The following SEPTIN7 variants were observed in gnomAD, a reference collection of about 807,000 sequenced individuals.
SEPTIN7 encodes septin-7.
In SEPTIN7, 10 loss-of-function variants were observed where a neutral mutation model predicts 63.3. The observed-to-expected ratio is 0.16, with a 90% CI of 0.10 to 0.27. The LOEUF (loss-of-function observed/expected upper bound fraction) is 0.27. SEPTIN7 is among the 10% of genes least tolerant of loss of function. The probability of loss-of-function intolerance (pLI) is 1.00; values close to 1 mark genes in which losing one functional copy is unlikely to be tolerated. For missense variants in SEPTIN7, 310 were observed against 521.0 expected (o/e 0.59, Z 3.94); for synonymous variants, 131 against 165.3 (o/e 0.79, Z 1.59).
rs560383003 is a variant in SEPTIN7, at chr7:35,835,493, T to C, written c.169+2593T>C. On this transcript the variant is annotated intron_variant, in intron 3 of 13. Transcript: ENST00000350320. The stretch of plus-strand genomic sequence containing the variant: ...ATAGCGAGATTAGGTTACTTGCCCA[T>C]GGTTACATTGCTAGGAGATGGCAGA... Among the ~76,000 whole-genome samples the C allele has an allele frequency of 8.5e-5, 13 of 152,272 alleles. No individual in the cohort carries two copies. The South Asian group carries it at 2.3e-3, about 27-fold the overall frequency.
intron 11 of SEPTIN7, among the ~76,000 whole-genome samples, chr7:35,891,166 T>G (rs1318107417): frequency 1.3e-5 from 2 of 152,210 alleles, no homozygotes; most frequent in African/African-American, 4.8e-5. Flanking sequence ...CTTTGCCCTG[T>G]TGAGCTTATA....
At chr7:35,886,328 C>T (rs1005630035) in intron 10 of SEPTIN7, among the ~76,000 whole-genome samples, 2 of 152,166 alleles carry the variant, frequency 1.3e-5, no homozygotes, top group African/African-American at 4.8e-5. Context: ...ACCAGTATTC[C>T]TACCAGGTGA....
At chr7:35,895,393 A>C (rs1292431713) in intron 11 of SEPTIN7, among the ~76,000 whole-genome samples, 1 of 152,128 alleles carries the variant, frequency 6.6e-6, no homozygotes, top group Non-Finnish European at 1.5e-5. Flanking sequence ...ATGCATGAAC[A>C]TTTTTTCACA....
intron 3 of SEPTIN7, among the ~76,000 whole-genome samples, chr7:35,835,257 C>T (rs1170565484): frequency 3.3e-5 from 5 of 152,074 alleles, no homozygotes. Flanking sequence ...AAAAGGGAGG[C>T]ATTAGGACAA....
At chr7:35,824,161 C>T (rs1030693928) in intron 1 of SEPTIN7, among the ~76,000 whole-genome samples, 17 of 151,942 alleles carry the variant, frequency 1.1e-4, no homozygotes, top group African/African-American at 3.9e-4. Flanking sequence ...AGTCTGCCTT[C>T]TTCCCCTATC....
At chr7:35,813,581 A>T (rs906101495) in intron 1 of SEPTIN7, among the ~76,000 whole-genome samples, 4 of 152,054 alleles carry the variant, frequency 2.6e-5, no homozygotes, top group Non-Finnish European at 5.9e-5. Context: ...TGCCATGTTG[A>T]CCAAGCTGGT....
chr7:35,842,238 A>G (rs921152591), intron 3 of SEPTIN7, among the ~76,000 whole-genome samples: 1 of 152,206 alleles, frequency 6.6e-6, no homozygotes, highest in African/African-American at 2.4e-5. Flanking sequence ...ATTGAACTAC[A>G]GAACCTTAGA....
intron 1 of SEPTIN7, among the ~76,000 whole-genome samples, chr7:35,822,845 T>C (rs1783295195): frequency 6.6e-6 from 1 of 152,228 alleles, no homozygotes; most frequent in Non-Finnish European, 1.5e-5. Flanking sequence ...TTCTTAAAAT[T>C]TTCAGCTACC....
intron 1 of SEPTIN7, among the ~76,000 whole-genome samples, chr7:35,829,198 C>T (rs1583520009): frequency 1.5e-5 from 2 of 137,210 alleles, no homozygotes; most frequent in South Asian, 2.3e-4. Flanking sequence ...TGCAATGGCA[C>T]GATCTCGGCT....
chr7:35,801,083 C>G lies in SEPTIN7; in HGVS notation c.-127C>G. 3.1e-6 allele frequency: 2 copies of G among 653,996 alleles called. No homozygotes were observed. Among genetic ancestry groups the G allele is most frequent in the East Asian group, 6.9e-5 (2 of 28,926 alleles). 40.5% of individuals were successfully genotyped at this position (653,996 alleles called of 1,614,324 possible). ...GTCGAGCGAGAGCCTGTGGAGGAGT[C>G]CGCCTGCTGTAGCGTGCGTAAGCAA... On this transcript the variant is annotated 5_prime_UTR_variant, in exon 1 of 14. Coordinates refer to ENST00000350320, the MANE Select transcript of SEPTIN7 (RefSeq NM_001788.6).
At chr7:35,855,364 C>T (rs1199181612) in intron 3 of SEPTIN7, among the ~76,000 whole-genome samples, 3 of 152,146 alleles carry the variant, frequency 2.0e-5, no homozygotes, top group Non-Finnish European at 2.9e-5. Flanking sequence ...TTTCTAGGCA[C>T]ACATATAAAT....
intron 3 of SEPTIN7, among the ~76,000 whole-genome samples, chr7:35,851,324 A>T (rs1343722593): frequency 3.9e-5 from 6 of 152,162 alleles, no homozygotes; most frequent in Admixed American, 1.3e-4. Context: ...AAAAAAATTT[A>T]AAATCCAGTT....
intron 11 of SEPTIN7, among the ~76,000 whole-genome samples, chr7:35,897,770 T>A (rs1331137462): frequency 6.6e-6 from 1 of 152,150 alleles, no homozygotes; most frequent in Admixed American, 6.6e-5. Context: ...GTTTCCAACG[T>A]ATCAGTTCAG....
chr7:35,910,696 AAAG>A (rs1788725629), downstream of SEPTIN7, among the ~76,000 whole-genome samples: 1 of 152,230 alleles, frequency 6.6e-6, no homozygotes, highest in Non-Finnish European at 1.5e-5. Context: ...CAAAAACAAA[AAAG>A]GGGGAGAAAC....
At chr7:35,801,442 G>A (rs1348735752) in intron 1 of SEPTIN7, among the ~76,000 whole-genome samples, 172 bp downstream of exon 1, 1 of 151,908 alleles carries the variant, frequency 6.6e-6, no homozygotes, top group South Asian at 2.1e-4. Context: ...GCGGGCTCGG[G>A]GGGAGGGGAG....
the SEPTIN7 span, among the ~76,000 whole-genome samples, chr7:35,915,032 C>G: frequency 1.3e-5 from 2 of 149,808 alleles, no homozygotes; most frequent in Non-Finnish European, 3.0e-5. Context: ...TATACATGCA[C>G]GTACATATAT....
intron 9 of SEPTIN7, among the ~76,000 whole-genome samples, chr7:35,884,796 T>C (rs1301953090): frequency 6.6e-6 from 1 of 152,170 alleles, no homozygotes; most frequent in Non-Finnish European, 1.5e-5. Flanking sequence ...GAGTTTTTTG[T>C]TTTCTTTTTT....
the SEPTIN7 span, among the ~76,000 whole-genome samples, chr7:35,912,564 G>T: frequency 6.6e-6 from 1 of 152,164 alleles, no homozygotes; most frequent in African/African-American, 2.4e-5. Flanking sequence ...ATATTTCTGT[G>T]TGTGTGTCTT....
intron 1 of SEPTIN7, among the ~76,000 whole-genome samples, chr7:35,810,150 T>C (rs1231754141): frequency 3.3e-5 from 5 of 152,070 alleles, no homozygotes; most frequent in Non-Finnish European, 7.4e-5. Context: ...GGATAGAAAA[T>C]AAACATTTTC....
Sources: gnomAD v4.1 joint callset for allele counts (sites outside exome capture counted in the v4.1 genomes callset) on GRCh38, gnomAD v4.1.1 for gene constraint, MANE v1.5 for transcripts, NCBI Gene and HGNC (gene_info 2026-07-23, HGNC 2026-07-21) for gene names.